Variants in EPC2 observed in about 807,000 individuals in gnomAD.
EPC2 encodes the protein enhancer of polycomb homolog 2.
A neutral mutation model predicts 92.1 loss-of-function variants in EPC2; 14 were observed. The ratio of observed to expected loss-of-function variants is 0.15; its 90% CI spans 0.10 to 0.24. The LOEUF (loss-of-function observed/expected upper bound fraction) is 0.24, where lower values mean the gene tolerates loss of function less well. EPC2 is among the 10% of genes least tolerant of loss of function. The pLI is 1.00. For missense variants in EPC2, 755 were observed against 971.5 expected, an observed-to-expected ratio of 0.78 and a Z score of 2.96; for synonymous variants, 340 against 334.7, an observed-to-expected ratio of 1.02 and a Z score of -0.17.
In EPC2 at chr2:148,685,825, A is replaced by G. The variant is rs142903748; in HGVS notation, c.154-4389A>G. On this transcript the variant is annotated intron_variant, in intron 1 of 13. Transcript: ENST00000258484. ...TATACTATACTGTGGTCTATTACGT[A>G]TGCACTAGCACTGTGTCTAAAATAT... 5.4e-3 allele frequency among the ~76,000 whole-genome samples: 823 copies of G among 152,352 alleles called. 5 individuals are homozygous for G. Among genetic ancestry groups the G allele is most frequent in the South Asian group, 0.015 (71 of 4,830 alleles).
intron 1 of EPC2, among the ~76,000 whole-genome samples, chr2:148,669,565 C>T (rs542336514): frequency 1.6e-4 from 24 of 152,138 alleles, no homozygotes; most frequent in African/African-American, 5.8e-4. Flanking sequence ...ACCTGTTGTC[C>T]CAGTTACTCG....
chr2:148,719,638 A>G (rs150328362), intron 2 of EPC2, among the ~76,000 whole-genome samples: 173 of 152,236 alleles, frequency 1.1e-3, no homozygotes, highest in African/African-American at 3.6e-3. Flanking sequence ...GTGCTGACCT[A>G]TTGCCACCTG....
intron 3 of EPC2, among the ~76,000 whole-genome samples, chr2:148,747,787 G>A (rs1683013077): frequency 6.6e-6 from 1 of 151,938 alleles, no homozygotes; most frequent in Admixed American, 6.6e-5. Context: ...TATTTCCTTT[G>A]TTATCTGTCC....
chr2:148,699,933 G>T (rs1164583663), intron 2 of EPC2, among the ~76,000 whole-genome samples: 1 of 152,152 alleles, frequency 6.6e-6, no homozygotes, highest in Non-Finnish European at 1.5e-5. Context: ...TTTACTAGGT[G>T]TGAGATGGTA....
chr2:148,744,058 T>G (rs1170356742), intron 3 of EPC2, among the ~76,000 whole-genome samples: 1 of 152,162 alleles, frequency 6.6e-6, no homozygotes, highest in African/African-American at 2.4e-5. Context: ...CTTCCATAAC[T>G]AAATTTGCTT....
chr2:148,658,595 G>T (rs535507723), intron 1 of EPC2, among the ~76,000 whole-genome samples: 5 of 23,874 alleles, frequency 2.1e-4, no homozygotes, highest in South Asian at 5.5e-3. Flanking sequence ...AAGATTAGCT[G>T]TGTGTGTGTG....
intron 1 of EPC2, among the ~76,000 whole-genome samples, chr2:148,665,039 T>C (rs970719364): frequency 6.6e-6 from 1 of 152,244 alleles, no homozygotes; most frequent in African/African-American, 2.4e-5. Flanking sequence ...AAAGATACTT[T>C]GAGACATTTA....
At position 148,707,087 on chromosome 2, in the gene EPC2, T is replaced by C. The variant is rs534234587; in HGVS notation, c.313+16714T>C. Among the ~76,000 whole-genome samples the C allele has an allele frequency of 7.4e-4, 112 of 152,272 alleles. 1 individual carries two copies. The highest frequency in any genetic ancestry group is 1.2e-3 in the South Asian group (6 of 4,830). ...AAAGAGTCAAGACCCATCAGTGTGC[T>C]GTATTCAGGAGACCCATCTCACGTG... On this transcript the variant is annotated intron_variant, in intron 2 of 13. Coordinates refer to ENST00000258484, the MANE Select transcript of EPC2 (RefSeq NM_015630.4).
At chr2:148,663,471 G>C (rs1680989069) in intron 1 of EPC2, among the ~76,000 whole-genome samples, 1 of 151,366 alleles carries the variant, frequency 6.6e-6, no homozygotes, top group Non-Finnish European at 1.5e-5. Flanking sequence ...ACCCGCCTTG[G>C]CCTCCCAAAG....
chr2:148,727,738 A>T (rs949506499), intron 2 of EPC2, among the ~76,000 whole-genome samples: 5 of 152,244 alleles, frequency 3.3e-5, no homozygotes, highest in African/African-American at 1.2e-4. Flanking sequence ...AGAATCTCAG[A>T]TGATAACAGA....
intron 3 of EPC2, among the ~76,000 whole-genome samples, chr2:148,744,152 A>G (rs1682937338): frequency 6.6e-6 from 1 of 152,074 alleles, no homozygotes; most frequent in Non-Finnish European, 1.5e-5. Context: ...TTTTAATTTT[A>G]ATTACTTATA....
chr2:148,645,291 A>G (rs1166099846), intron 1 of EPC2, 121 bp downstream of exon 1: 2 of 853,612 alleles, frequency 2.3e-6, no homozygotes, highest in Non-Finnish European at 3.6e-6. Context: ...GCTCTAACGC[A>G]CGGGACTCTA....
Position 148,645,031 on chromosome 2 carries a change from C to T in EPC2, c.14C>T (p.Ser5Phe), listed in dbSNP as rs777764350. 3 of 1,550,678 alleles carry T rather than the reference C, an allele frequency of 1.9e-6. No homozygotes were observed. Among genetic ancestry groups the T allele is most frequent in the South Asian group, 1.2e-5 (1 of 84,376 alleles). Residue 5 changes from serine (S) to phenylalanine (F), a missense_variant, in exon 1 of 14, where the codon TCC becomes TTC. Physicochemically the swap from Ser to Phe is radical, Grantham distance 155. This residue lies in a region of EPC2 where 36 missense variants were observed against 84.0 expected (regional missense o/e 0.43). Transcript: ENST00000258484. MSKL[S>F]FRARALDAAK... The stretch of plus-strand genomic sequence containing the variant: ...GGCGGGGAGACAATGAGTAAACTCT[C>T]CTTCCGAGCGCGGGCGCTGGACGCC...
intron 2 of EPC2, among the ~76,000 whole-genome samples, chr2:148,710,368 T>C (rs2105383583): frequency 1.3e-5 from 2 of 152,250 alleles, no homozygotes; most frequent in Middle Eastern, 6.8e-3. Flanking sequence ...GGAGAGGATG[T>C]GGAGAAATAG....
chr2:148,783,583 T>C lies in EPC2; in HGVS notation c.1858-14T>C. ...ATCTAAAAATTAGAGTGTTTAACTTTGTTCATTTTATAGGGCTCAAGCACC... is the reference window on the plus strand; with the variant it reads ...ATCTAAAAATTAGAGTGTTTAACTTCGTTCATTTTATAGGGCTCAAGCACC... On this transcript the variant is annotated splice_polypyrimidine_tract_variant and intron_variant, in intron 11 of 13. Coordinates refer to ENST00000258484, the MANE Select transcript of EPC2 (RefSeq NM_015630.4). 1.3e-6 allele frequency: 2 copies of C among 1,594,352 alleles called. No homozygotes were observed. Among genetic ancestry groups the C allele is most frequent in the Non-Finnish European group, 1.7e-6 (2 of 1,169,192 alleles).
chr2:148,717,653 T>A (rs1245222636), intron 2 of EPC2, among the ~76,000 whole-genome samples: 1 of 152,168 alleles, frequency 6.6e-6, no homozygotes, highest in African/African-American at 2.4e-5. Flanking sequence ...GAGGAGTGTT[T>A]TACTTCCAAT....
intron 2 of EPC2, among the ~76,000 whole-genome samples, chr2:148,720,355 G>T (rs1682344875): frequency 6.6e-6 from 1 of 152,192 alleles, no homozygotes; most frequent in Non-Finnish European, 1.5e-5. Context: ...ACAGCCTATT[G>T]CTGGTGGCTG....
chr2:148,658,607 GTATATATATA>G (rs3076616), intron 1 of EPC2, among the ~76,000 whole-genome samples: 11 of 141,262 alleles, frequency 7.8e-5, no homozygotes, highest in Admixed American at 3.7e-4. Context: ...GTGTGTGTGT[GTATATATATA>G]TATATATATA....
intron 2 of EPC2, among the ~76,000 whole-genome samples, chr2:148,736,059 G>A (rs527967137): frequency 6.6e-6 from 1 of 152,194 alleles, no homozygotes; most frequent in East Asian, 1.9e-4. Context: ...AATCAAGCAG[G>A]AATGATAAAA....
Sources: allele counts gnomAD v4.1 joint callset (sites outside exome capture counted in the v4.1 genomes callset), GRCh38; gene constraint gnomAD v4.1.1; regional missense constraint gnomAD v4.1.1; transcripts MANE v1.5; gene names NCBI Gene and HGNC (gene_info 2026-07-23, HGNC 2026-07-21).